MYRIP: variants seen among roughly 807,000 people sequenced by gnomAD.
The protein encoded by MYRIP is myosin VIIA and Rab interacting protein, also known as rab effector MyRIP.
A neutral mutation model predicts 98.0 loss-of-function variants in MYRIP; 49 were observed. That is an observed-to-expected ratio of 0.50 (90% CI 0.40 to 0.63). The LOEUF is 0.63. Among genes scored for constraint, MYRIP ranks in the 30% least tolerant of loss-of-function variants. The pLI is 0.00. For missense variants in MYRIP, 1,004 were observed against 1,058.2 expected (o/e 0.95, Z 0.71); for synonymous variants, 404 against 409.5 (o/e 0.99, Z 0.16).
chr3:39,821,038 G>A (rs1009448071), intron 1 of MYRIP, among the ~76,000 whole-genome samples: 2 of 152,106 alleles, frequency 1.3e-5, no homozygotes, highest in African/African-American at 2.4e-5. Context: ...TCTGAAAGCA[G>A]CAAAGAGAAT....
intron 2 of MYRIP, among the ~76,000 whole-genome samples, chr3:39,982,061 A>G (rs1945909714): frequency 6.6e-6 from 1 of 152,226 alleles, no homozygotes; most frequent in African/African-American, 2.4e-5. Flanking sequence ...TTAAGGACAA[A>G]CCTATCTTAT....
intron 2 of MYRIP, chr3:39,970,110 C>A (rs1945544151): frequency 6.6e-6 from 1 of 151,792 alleles, no homozygotes; most frequent in Non-Finnish European, 1.5e-5. Flanking sequence ...GTTCGTTACT[C>A]TTAACAATAG....
intron 3 of MYRIP, among the ~76,000 whole-genome samples, chr3:40,149,126 G>A (rs939713494): frequency 6.6e-6 from 1 of 152,154 alleles, no homozygotes; most frequent in African/African-American, 2.4e-5. Flanking sequence ...AAAGAAAAGA[G>A]GTTTGTTTGG....
At chr3:40,023,807 G>A (rs1947059660) in intron 2 of MYRIP, among the ~76,000 whole-genome samples, 1 of 152,140 alleles carries the variant, frequency 6.6e-6, no homozygotes, top group African/African-American at 2.4e-5. Context: ...TCTCAGAGAA[G>A]GAACTAAGGC....
At chr3:40,066,558 C>A (rs1408354508) in intron 3 of MYRIP, among the ~76,000 whole-genome samples, 1 of 152,158 alleles carries the variant, frequency 6.6e-6, no homozygotes, top group Non-Finnish European at 1.5e-5. Context: ...AAATGAAAAG[C>A]TGTGATTCCC....
chr3:39,921,327 C>A (rs1944297579), intron 2 of MYRIP, among the ~76,000 whole-genome samples: 1 of 152,130 alleles, frequency 6.6e-6, no homozygotes, highest in Admixed American at 6.5e-5. Context: ...GACAGTAGGC[C>A]TTTTGCTAAG....
intron 1 of MYRIP, chr3:39,810,620 G>C (rs973242637): frequency 6.6e-6 from 1 of 152,306 alleles, no homozygotes; most frequent in African/African-American, 2.4e-5. Flanking sequence ...TGGACGCGTG[G>C]AGCGGAAAGA....
intron 3 of MYRIP, among the ~76,000 whole-genome samples, chr3:40,135,107 C>G (rs1295861431): frequency 6.6e-6 from 1 of 151,952 alleles, no homozygotes; most frequent in Non-Finnish European, 1.5e-5. Context: ...GAAGTTTGAA[C>G]CAATGGCAAA....
chr3:39,863,414 A>G (rs1169515150), intron 1 of MYRIP, among the ~76,000 whole-genome samples: 3 of 152,098 alleles, frequency 2.0e-5, no homozygotes, highest in Admixed American at 1.3e-4. Flanking sequence ...TAGACTGATA[A>G]AGAAAAAAAG....
chr3:39,904,409 G>A (rs551802481), intron 2 of MYRIP, among the ~76,000 whole-genome samples: 2 of 152,132 alleles, frequency 1.3e-5, no homozygotes, highest in Admixed American at 1.3e-4. Context: ...CCAATTTTTT[G>A]TATGTTAGTA....
chr3:40,186,322 G>C (rs2125623636), intron 9 of MYRIP, among the ~76,000 whole-genome samples: 1 of 152,268 alleles, frequency 6.6e-6, no homozygotes, highest in East Asian at 1.9e-4. Context: ...CCCACCAGAA[G>C]CAGAACCTAA....
intron 4 of MYRIP, among the ~76,000 whole-genome samples, chr3:40,155,450 A>C (rs1395042461): frequency 6.6e-6 from 1 of 152,118 alleles, no homozygotes; most frequent in Non-Finnish European, 1.5e-5. Context: ...CGCACTAAAC[A>C]TACGTGTGCA....
chr3:40,031,118 A>T (rs13069285), intron 2 of MYRIP, among the ~76,000 whole-genome samples: 1 of 152,036 alleles, frequency 6.6e-6, no homozygotes, highest in Non-Finnish European at 1.5e-5. Flanking sequence ...ACAGTTTTGG[A>T]GACTGGGAGG....
At chr3:40,084,291 CGATA>C (rs71854304) in intron 3 of MYRIP, among the ~76,000 whole-genome samples, 55 of 71,882 alleles carry the variant, frequency 7.7e-4, no homozygotes, top group African/African-American at 1.9e-3. Flanking sequence ...TATTATATAT[CGATA>C]TATAATACAC....
At chr3:39,926,938 T>C (rs1049000488) in intron 2 of MYRIP, among the ~76,000 whole-genome samples, 1 of 152,100 alleles carries the variant, frequency 6.6e-6, no homozygotes, top group Non-Finnish European at 1.5e-5. Flanking sequence ...ATTTTAACAA[T>C]GTTAATTCTT....
intron 3 of MYRIP, among the ~76,000 whole-genome samples, chr3:40,108,229 G>T (rs1390250547): frequency 6.9e-6 from 1 of 143,930 alleles, no homozygotes; most frequent in African/African-American, 2.5e-5. Context: ...GTCGAAGATG[G>T]CACTCACTGA....
intron 2 of MYRIP, among the ~76,000 whole-genome samples, chr3:39,919,125 G>C (rs1413307206): frequency 6.6e-6 from 1 of 152,146 alleles, no homozygotes; most frequent in African/African-American, 2.4e-5. Context: ...AAATATTTTG[G>C]TTTTCTTCAC....
intron 2 of MYRIP, among the ~76,000 whole-genome samples, chr3:39,964,830 A>T (rs79516943): frequency 6.6e-6 from 1 of 152,122 alleles, no homozygotes; most frequent in Non-Finnish European, 1.5e-5. Flanking sequence ...AACTTTTCTT[A>T]TAATCTTCAT....
chr3:39,860,181 G>A (rs1575314327), intron 1 of MYRIP, among the ~76,000 whole-genome samples: 2 of 152,284 alleles, frequency 1.3e-5, no homozygotes, highest in East Asian at 1.9e-4. Flanking sequence ...ACTCATTCCT[G>A]GTCCTGAATG....
Sources: gnomAD v4.1 joint callset for allele counts (sites outside exome capture counted in the v4.1 genomes callset) on GRCh38, gnomAD v4.1.1 for gene constraint, MANE v1.5 for transcripts, NCBI Gene and HGNC (gene_info 2026-07-23, HGNC 2026-07-21) for gene names.